Variants in TAF8 observed in about 807,000 individuals in gnomAD.
TAF8 encodes the protein transcription initiation factor TFIID subunit 8.
In TAF8, 47 loss-of-function variants were observed where a neutral mutation model predicts 36.5. The ratio of observed to expected loss-of-function variants is 1.29; its 90% CI spans 1.02 to 1.64. The LOEUF is 1.64. Among genes scored for constraint, TAF8 ranks in the 40% most tolerant of loss-of-function variants. TAF8 has a pLI of 0.00. For missense variants in TAF8, 420 were observed against 407.6 expected, an observed-to-expected ratio of 1.03 and a Z score of -0.26; for synonymous variants, 175 against 159.5, an observed-to-expected ratio of 1.10 and a Z score of -0.73.
In TAF8 at chr6:42,077,741, G is replaced by T; in HGVS notation, c.*196G>T. 1 of 1,443,120 alleles carries T rather than the reference G, an allele frequency of 6.9e-7. No homozygotes were observed. Among genetic ancestry groups the T allele is most frequent in the Non-Finnish European group, 9.1e-7 (1 of 1,103,286 alleles). 89.4% of individuals were successfully genotyped at this position (1,443,120 alleles called of 1,614,324 possible). ...TGGATGTTTGGGTTGAGGAAGATAT[G>T]AACAGAATAATGAGAATTTTTTTTT... On this transcript the variant is annotated 3_prime_UTR_variant, in exon 9 of 9. Coordinates refer to ENST00000372977, the MANE Select transcript of TAF8 (RefSeq NM_138572.3).
intron 5 of TAF8, among the ~76,000 whole-genome samples, chr6:42,061,110 A>G (rs1765175778): frequency 6.6e-6 from 1 of 152,196 alleles, no homozygotes; most frequent in Non-Finnish European, 1.5e-5. Context: ...CCTATATTTG[A>G]TTATAAACTG....
At chr6:42,051,623 G>C in intron 2 of TAF8, 110 bp downstream of exon 2, 4 of 1,366,390 alleles carry the variant, frequency 2.9e-6, no homozygotes, top group Non-Finnish European at 3.9e-6. Context: ...TTCTTAAGAG[G>C]GGAGAAAAAA....
chr6:42,079,968 T>G lies in TAF8; in HGVS notation c.*2423T>G. The G allele has an allele frequency of 1.0e-6, 1 of 984,006 alleles. No homozygotes were observed. Among genetic ancestry groups the G allele is most frequent in the South Asian group, 4.7e-5 (1 of 21,200 alleles). The allele number at this position is 984,006 out of a possible 1,614,324, so 61.0% of individuals were successfully genotyped here. Reference sequence around the variant, plus strand: ...TGTACTGTGTAAGGAAAGAGCTGCTTGTCAGGAACGGAAGAGGGGACGCTA... The same window carrying G: ...TGTACTGTGTAAGGAAAGAGCTGCTGGTCAGGAACGGAAGAGGGGACGCTA... On this transcript the variant is annotated 3_prime_UTR_variant, in exon 9 of 9. Coordinates refer to ENST00000372977, the MANE Select transcript of TAF8 (RefSeq NM_138572.3).
rs1050516079 is a variant in TAF8, at chr6:42,078,714, C to G, written c.*1169C>G. On this transcript the variant is annotated 3_prime_UTR_variant, in exon 9 of 9. Coordinates refer to ENST00000372977, the MANE Select transcript of TAF8 (RefSeq NM_138572.3). ...TTATTGCCCCTGTGAGGAATGTGTG[C>G]TTGGGAACTGCCAAGTCTTACCCCT... is the stretch of plus-strand genomic sequence containing the variant. The G allele has an allele frequency of 1.0e-6, 1 of 985,330 alleles. No homozygotes were observed. Among genetic ancestry groups the G allele is most frequent in the African/African-American group, 1.7e-5 (1 of 57,230 alleles). 61.0% of individuals were successfully genotyped at this position (985,330 alleles called of 1,614,324 possible).
Position 42,077,195 on chromosome 6 carries a change from C to A in TAF8, c.876C>A (p.Asn292Lys). 1 of 1,614,064 alleles carries A rather than the reference C, an allele frequency of 6.2e-7. No homozygotes were observed. Among genetic ancestry groups the A allele is most frequent in the Non-Finnish European group, 8.5e-7 (1 of 1,179,950 alleles). Residue 292 changes from asparagine to lysine, a missense_variant, in exon 8 of 9, where the codon AAC becomes AAA. Transcript: ENST00000372977. ...SRNGEENIID[N>K]PYLRPVKKPK... is the part of the protein sequence containing the mutation. ...ATGGGGAGGAGAACATCATCGATAA[C>A]CCTTATCTGCGGCCGGTGAAGAAGC...
Position 42,078,776 on chromosome 6 carries a change from G to GCGT in TAF8, c.*1234_*1236dup. ...AGGTTTTCTCTGACAAGAGCCTAGA[G>GCGT]CGTCGGCTCTATTATGCTGGGACTT... On this transcript the variant is annotated 3_prime_UTR_variant, in exon 9 of 9. Coordinates refer to ENST00000372977, the MANE Select transcript of TAF8 (RefSeq NM_138572.3). 1 of 985,480 alleles carries GCGT rather than the reference G, an allele frequency of 1.0e-6. No homozygotes were observed. Among genetic ancestry groups the GCGT allele is most frequent in the Non-Finnish European group, 1.2e-6 (1 of 829,960 alleles). 61.0% of individuals were successfully genotyped at this position (985,480 alleles called of 1,614,324 possible).
rs1239025448 is a variant in TAF8 at position 42,077,618 on chromosome 6, A to G, written c.*73A>G. On this transcript the variant is annotated 3_prime_UTR_variant, in exon 9 of 9. Coordinates refer to ENST00000372977, the MANE Select transcript of TAF8 (RefSeq NM_138572.3). ...CGGGGAGTTAAAGCCACTCAAGGGA[A>G]GAAGAGGGTGACCTCCTCATGGCCA... 5.0e-6 allele frequency: 8 copies of G among 1,588,556 alleles called. No individual in the cohort carries two copies. The highest frequency in any genetic ancestry group is 1.1e-5 in the South Asian group (1 of 87,418).
chr6:42,050,631 TC>T, intron 1 of TAF8, 45 bp downstream of exon 1: 1 of 1,524,476 alleles, frequency 6.6e-7, no homozygotes, highest in Non-Finnish European at 8.8e-7. Flanking sequence ...AGTTTGGGTA[TC>T]CTGCAACTTT....
rs1307706569 is a variant in TAF8, at chr6:42,077,637, A to T, written c.*92A>T. On this transcript the variant is annotated 3_prime_UTR_variant, in exon 9 of 9. Coordinates refer to ENST00000372977, the MANE Select transcript of TAF8 (RefSeq NM_138572.3). ...AAGGGAAGAAGAGGGTGACCTCCTCATGGCCAAGCCGAGGCTGCAGGGTGT... is the reference window on the plus strand; with the variant it reads ...AAGGGAAGAAGAGGGTGACCTCCTCTTGGCCAAGCCGAGGCTGCAGGGTGT... The T allele has an allele frequency of 5.7e-6, 9 of 1,570,000 alleles. No homozygotes were observed. The Admixed American group carries it at 1.7e-4, about 30-fold the overall frequency.
At position 42,078,950 on chromosome 6, in the gene TAF8, C is replaced by T. The variant is rs115716145; in HGVS notation, c.*1405C>T. 32,838 of 674,110 alleles carry T rather than the reference C, an allele frequency of 0.049. 1,533 individuals are homozygous for T. Among genetic ancestry groups the T allele is most frequent in the African/African-American group, 0.2 (10,231 of 50,950 alleles). 41.8% of individuals were successfully genotyped at this position (674,110 alleles called of 1,614,324 possible). A position where few individuals can be genotyped will look rare whatever the true frequency, so the allele number is the denominator to read the frequency against. The stretch of plus-strand genomic sequence containing the variant: ...CAGCCTGGCCAACATAGTGAAACCC[C>T]GTCTCTACTAAAAATACAAAAATTA... On this transcript the variant is annotated 3_prime_UTR_variant, in exon 9 of 9. Coordinates refer to ENST00000372977, the MANE Select transcript of TAF8 (RefSeq NM_138572.3).
chr6:42,074,097 G>C lies in TAF8; in HGVS notation c.781-3003G>C, dbSNP rs115241577. Among the ~76,000 whole-genome samples the C allele has an allele frequency of 4.5e-3, 689 of 152,232 alleles. 3 individuals are homozygous for C. The highest frequency in any genetic ancestry group is 0.016 in the African/African-American group (656 of 41,528). ...AGCCCAGGAATTTGAGTCCAGTTTT[G>C]GGCAACATAGTGAGACCCTGTTTAA... On this transcript the variant is annotated intron_variant, in intron 7 of 8. Transcript: ENST00000372977.
At position 42,056,046 on chromosome 6, in the gene TAF8, T is replaced by C. The variant is rs762188456; in HGVS notation, c.364+32T>C. 9.1e-6 allele frequency: 13 copies of C among 1,431,844 alleles called. No individual in the cohort carries two copies. In the African/African-American group the frequency reaches 1.7e-4, roughly 19 times the overall value. 88.7% of individuals were successfully genotyped at this position (1,431,844 alleles called of 1,614,324 possible). A position where few individuals can be genotyped will look rare whatever the true frequency, so the allele number is the denominator to read the frequency against. On this transcript the variant is annotated intron_variant, in intron 4 of 8. Transcript: ENST00000372977. ...GACTTTGAACTGAGGTACTTAGCAATTTTTCAATTAATGCTTGTGGAATGA... is the reference window on the plus strand; with the variant it reads ...GACTTTGAACTGAGGTACTTAGCAACTTTTCAATTAATGCTTGTGGAATGA...
intron 5 of TAF8, among the ~76,000 whole-genome samples, chr6:42,058,895 A>G (rs1422762137): frequency 1.3e-5 from 2 of 152,032 alleles, no homozygotes; most frequent in Non-Finnish European, 2.9e-5. Flanking sequence ...TGGCTCATAG[A>G]TGCATCACTC....
At position 42,057,383 on chromosome 6, in the gene TAF8, T is replaced by C; in HGVS notation, c.365-6T>C. 3 of 1,614,034 alleles carry C rather than the reference T, an allele frequency of 1.9e-6. No individual in the cohort carries two copies. Among genetic ancestry groups the C allele is most frequent in the Non-Finnish European group, 2.5e-6 (3 of 1,180,006 alleles). On this transcript the variant is annotated splice_region_variant and splice_polypyrimidine_tract_variant and intron_variant, in intron 4 of 8. Coordinates refer to ENST00000372977, the MANE Select transcript of TAF8 (RefSeq NM_138572.3). ...GGAGGGGTAATCAGTTGTGACTCTG[T>C]TGCAGCTCCGGTGACCAATCAGCCA... is the stretch of plus-strand genomic sequence containing the variant.
intron 7 of TAF8, among the ~76,000 whole-genome samples, chr6:42,073,732 T>G (rs1178617355): frequency 2.0e-5 from 3 of 152,128 alleles, no homozygotes; most frequent in African/African-American, 7.2e-5. Context: ...GAGCTGGCTT[T>G]TAACTAAGAG....
At chr6:42,058,325 A>T (rs1016211655) in intron 5 of TAF8, among the ~76,000 whole-genome samples, 5 of 152,204 alleles carry the variant, frequency 3.3e-5, no homozygotes, top group African/African-American at 4.8e-5. Flanking sequence ...GGTTGCAGTG[A>T]GCTGAGATTG....
chr6:42,072,833 C>T (rs1015316113), intron 7 of TAF8, among the ~76,000 whole-genome samples: 2 of 152,128 alleles, frequency 1.3e-5, no homozygotes, highest in Non-Finnish European at 2.9e-5. Context: ...TGCCATTCTC[C>T]TGCCTCAGCC....
chr6:42,056,424 A>G (rs1275171978), intron 4 of TAF8: 6 of 225,446 alleles, frequency 2.7e-5, no homozygotes, highest in African/African-American at 1.4e-4. Context: ...TTCATGCTAT[A>G]ATGGCATAGT....
chr6:42,060,517 C>T (rs1765154417), intron 5 of TAF8, among the ~76,000 whole-genome samples: 1 of 152,200 alleles, frequency 6.6e-6, no homozygotes, highest in Non-Finnish European at 1.5e-5. Context: ...TTTGTACCCT[C>T]AAATACCTAT....
Sources: allele counts gnomAD v4.1 joint callset (sites outside exome capture counted in the v4.1 genomes callset), GRCh38; gene constraint gnomAD v4.1.1; transcripts MANE v1.5; gene names NCBI Gene and HGNC (gene_info 2026-07-23, HGNC 2026-07-21).